CACNA1C: variants seen among roughly 807,000 people sequenced by gnomAD.
CACNA1C encodes the protein voltage-dependent L-type calcium channel subunit alpha-1C.
A neutral mutation model predicts 229.0 loss-of-function variants in CACNA1C; 30 were observed. The ratio of observed to expected loss-of-function variants is 0.13; its 90% CI spans 0.10 to 0.18. CACNA1C has a LOEUF of 0.18. Ranked by LOEUF, CACNA1C falls within the 10% of genes least tolerant of loss-of-function variation. The pLI, the probability that CACNA1C is intolerant of heterozygous loss-of-function variation, is 1.00. For synonymous variants in CACNA1C, 1,114 were observed against 1,132.5 expected, an observed-to-expected ratio of 0.98 and a Z score of 0.33; for missense variants, 1,658 against 2,845.0, an observed-to-expected ratio of 0.58 and a Z score of 9.49.
At chr12:2,572,710 T>C (rs2056478164) in intron 13 of CACNA1C, among the ~76,000 whole-genome samples, 1 of 118,104 alleles carries the variant, frequency 8.5e-6, no homozygotes, top group South Asian at 3.4e-4. Context: ...CTCTTCCTCC[T>C]CCTCTTCCTC....
In CACNA1C at chr12:2,653,186, G is replaced by A. The variant is rs2095196089; in HGVS notation, c.4075-649G>A. ...ATGGAACCCAGCTCTGCAAGGCATTGCACTAAGCACTTTATAAGCCTTAAA... is the reference window on the plus strand; with the variant it reads ...ATGGAACCCAGCTCTGCAAGGCATTACACTAAGCACTTTATAAGCCTTAAA... On this transcript the variant is annotated intron_variant, in intron 32 of 46. Coordinates refer to ENST00000399655, the MANE Select transcript of CACNA1C (RefSeq NM_000719.7). The surrounding 1 kb of genome is among the most constrained non-coding windows in gnomAD (Gnocchi z 4.7). Among the ~76,000 whole-genome samples, 1 of 152,228 alleles carries A rather than the reference G, an allele frequency of 6.6e-6. No homozygotes were observed. Among genetic ancestry groups the A allele is most frequent in the Admixed American group, 6.5e-5 (1 of 15,288 alleles).
chr12:2,276,594 T>A (rs986215753), intron 3 of CACNA1C, among the ~76,000 whole-genome samples: 2 of 152,220 alleles, frequency 1.3e-5, no homozygotes, highest in African/African-American at 4.8e-5. Context: ...GAGAAATGTT[T>A]ATGGCCTCTA....
Position 2,275,798 on chromosome 12 carries a change from C to T in CACNA1C, c.477+155368C>T, listed in dbSNP as rs574595970. ...GAGTGGGGAGGGCTCAGTGCTTCCA[C>T]GGGTGGATGTTCAGCAGCAGGCCCC... On this transcript the variant is annotated intron_variant, in intron 3 of 46. Transcript: ENST00000399655. This position sits in a 1 kb window ranked among gnomAD's most constrained non-coding sequence, Gnocchi z 4.1. Among the ~76,000 whole-genome samples the T allele has an allele frequency of 8.6e-5, 13 of 150,780 alleles. No homozygotes were observed. The South Asian group carries it at 2.3e-3, about 26-fold the overall frequency.
At chr12:2,626,651 G>A (rs983779958) in intron 29 of CACNA1C, among the ~76,000 whole-genome samples, 16 of 152,112 alleles carry the variant, frequency 1.1e-4, no homozygotes, top group Non-Finnish European at 1.8e-4. Flanking sequence ...TGCAGAAAAC[G>A]GCTCATTTAT....
chr12:2,629,402 G>A (rs2089204090), intron 29 of CACNA1C, among the ~76,000 whole-genome samples: 1 of 152,174 alleles, frequency 6.6e-6, no homozygotes, highest in African/African-American at 2.4e-5. Flanking sequence ...CTGGACCATG[G>A]CCCCACAGTT....
In CACNA1C at chr12:2,585,372, C is replaced by G. The variant is rs1157833396; in HGVS notation, c.2340-4C>G. On this transcript the variant is annotated splice_region_variant and splice_polypyrimidine_tract_variant and intron_variant, in intron 16 of 46. Transcript: ENST00000399655. This position sits in a 1 kb window ranked among gnomAD's most constrained non-coding sequence, Gnocchi z 4.1. ...TTTATTTTTTTCTGCTGCTGACTGG[C>G]CAGGACTGCCAGCCCAGAGAAGAAA... 8 of 1,611,770 alleles carry G rather than the reference C, an allele frequency of 5.0e-6. No homozygotes were observed. The highest frequency in any genetic ancestry group is 6.8e-6 in the Non-Finnish European group (8 of 1,178,914).
chr12:2,682,164 A>G (rs2097180911), intron 42 of CACNA1C: 2 of 672,810 alleles, frequency 3.0e-6, no homozygotes, highest in East Asian at 5.3e-5. Flanking sequence ...CCAAAGACCC[A>G]GGTGTCATAG....
At chr12:2,388,675 T>C (rs1178834747) in intron 3 of CACNA1C, among the ~76,000 whole-genome samples, 1 of 152,094 alleles carries the variant, frequency 6.6e-6, no homozygotes, top group Non-Finnish European at 1.5e-5. Context: ...GTCTGTGACA[T>C]GTCTAAGTGC....
chr12:2,320,844 G>C (rs903277212), intron 3 of CACNA1C, among the ~76,000 whole-genome samples: 1 of 152,212 alleles, frequency 6.6e-6, no homozygotes, highest in African/African-American at 2.4e-5. Flanking sequence ...CAAAAAGGAT[G>C]AGGTTCCTGG....
rs2099740529 is a variant in CACNA1C, at chr12:2,493,518, G to T, written c.1113+132G>T. On this transcript the variant is annotated intron_variant, in intron 7 of 46. Transcript: ENST00000399655. The surrounding 1 kb of genome is among the most constrained non-coding windows in gnomAD (Gnocchi z 4.6). ...ATCTTGATGGAATGGTTGATGAAGA[G>T]CGTCTTTGATTTCTTCCAGGTCTTG... The T allele has an allele frequency of 1.4e-6, 1 of 721,286 alleles. No homozygotes were observed. Among genetic ancestry groups the T allele is most frequent in the East Asian group, 2.5e-5 (1 of 39,222 alleles). 44.7% of individuals were successfully genotyped at this position (721,286 alleles called of 1,614,324 possible).
chr12:2,471,793 T>C (rs941766435), intron 5 of CACNA1C, among the ~76,000 whole-genome samples: 6 of 152,174 alleles, frequency 3.9e-5, no homozygotes, highest in African/African-American at 1.4e-4. Context: ...AGCAATTCTC[T>C]GCCTCAGCTC....
intron 37 of CACNA1C, among the ~76,000 whole-genome samples, chr12:2,668,145 G>C (rs7306298): frequency 6.6e-6 from 1 of 152,146 alleles, no homozygotes; most frequent in Non-Finnish European, 1.5e-5. Context: ...GGCTGTGGAC[G>C]AATGCTGCCT....
chr12:2,445,417 T>C (rs1401381867), intron 3 of CACNA1C, among the ~76,000 whole-genome samples: 2 of 152,200 alleles, frequency 1.3e-5, no homozygotes, highest in Admixed American at 1.3e-4. Context: ...TTGTGAATGC[T>C]TGAGTTAATG....
intron 3 of CACNA1C, among the ~76,000 whole-genome samples, chr12:2,419,085 T>C (rs539749598): frequency 6.6e-6 from 1 of 152,256 alleles, no homozygotes; most frequent in Non-Finnish European, 1.5e-5. Flanking sequence ...GCATAACGCC[T>C]TCCTGCAACC....
At chr12:2,690,836 GA>G in intron 46 of CACNA1C, 63 bp from the exon 47 acceptor site, 3 of 1,441,732 alleles carry the variant, frequency 2.1e-6, no homozygotes, top group Non-Finnish European at 2.8e-6. Context: ...GCCCTCAAGG[GA>G]AGAGCTGGGC....
chr12:2,661,980 C>T lies in CACNA1C; in HGVS notation c.4233-2845C>T, dbSNP rs542000578. ...AGGAAAGGCCGGGCGCAGTGGCTCA[C>T]GCCTGTAATCCCAGCACTTCGGGAG... On this transcript the variant is annotated intron_variant, in intron 34 of 46. Transcript: ENST00000399655. Among the ~76,000 whole-genome samples, 16 of 152,296 alleles carry T rather than the reference C, an allele frequency of 1.1e-4. No individual in the cohort carries two copies. The South Asian group carries it at 1.7e-3, about 16-fold the overall frequency.
intron 3 of CACNA1C, among the ~76,000 whole-genome samples, chr12:2,270,293 A>G (rs886903538): frequency 4.6e-5 from 7 of 152,204 alleles, no homozygotes; most frequent in African/African-American, 1.7e-4. Context: ...AGCCAGCTGT[A>G]ATGAAATTCT....
intron 34 of CACNA1C, among the ~76,000 whole-genome samples, chr12:2,664,524 G>A (rs1481451909): frequency 6.6e-6 from 1 of 152,200 alleles, no homozygotes; most frequent in Non-Finnish European, 1.5e-5. Flanking sequence ...AGCAGTTAAG[G>A]TGAATGAACT....
intron 9 of CACNA1C, among the ~76,000 whole-genome samples, chr12:2,533,166 G>A (rs546856873): frequency 5.9e-5 from 9 of 152,288 alleles, no homozygotes; most frequent in African/African-American, 1.2e-4. Flanking sequence ...AGAGGCAGGC[G>A]TTCATCCCCG....
Sources: gnomAD v4.1 joint callset for allele counts (sites outside exome capture counted in the v4.1 genomes callset) on GRCh38, gnomAD v4.1.1 for gene constraint, Gnocchi (gnomAD v3.1) non-coding constraint, MANE v1.5 for transcripts, NCBI Gene and HGNC (gene_info 2026-07-23, HGNC 2026-07-21) for gene names.